Variants in CCDC102B observed in about 807,000 individuals in gnomAD.
CCDC102B encodes coiled-coil domain containing 102B.
A neutral mutation model predicts 57.4 loss-of-function variants in CCDC102B; 75 were observed. The observed-to-expected ratio is 1.31, with a 90% confidence interval of 1.08 to 1.58. CCDC102B has a LOEUF of 1.58. Ranked by LOEUF, CCDC102B falls within the 40% of genes most tolerant of loss-of-function variation. The pLI is 0.00. For synonymous variants in CCDC102B, 206 were observed against 201.9 expected (o/e 1.02, Z -0.17); for missense variants, 636 against 582.6 (o/e 1.09, Z -0.94).
chr18:68,749,322 G>A (rs556402467), intron 2 of CCDC102B, among the ~76,000 whole-genome samples: 28 of 151,808 alleles, frequency 1.8e-4, no homozygotes, highest in African/African-American at 6.5e-4. Flanking sequence ...GAAAGTCATT[G>A]GTAGCTTGAT....
intron 7 of CCDC102B, among the ~76,000 whole-genome samples, chr18:69,014,194 G>C (rs2051597824): frequency 1.3e-5 from 2 of 152,160 alleles, no homozygotes; most frequent in South Asian, 2.1e-4. Context: ...ATTGGTAAGT[G>C]AGCTTCTAGT....
At chr18:68,804,467 A>G (rs2035962662) in intron 1 of CCDC102B, among the ~76,000 whole-genome samples, 1 of 152,198 alleles carries the variant, frequency 6.6e-6, no homozygotes, top group African/African-American at 2.4e-5. Flanking sequence ...AAAGGCCTGG[A>G]TGCCTTCACC....
chr18:68,734,050 CT>C (rs1265347992), intron 2 of CCDC102B, among the ~76,000 whole-genome samples: 2 of 152,210 alleles, frequency 1.3e-5, no homozygotes, highest in African/African-American at 4.8e-5. Context: ...CAAAGCCAAG[CT>C]CTTTAAGACA....
chr18:68,910,340 G>C (rs149686459), intron 6 of CCDC102B, among the ~76,000 whole-genome samples: 2 of 152,224 alleles, frequency 1.3e-5, no homozygotes, highest in Admixed American at 6.5e-5. Flanking sequence ...AATCAATTAG[G>C]TATGAACATG....
intron 6 of CCDC102B, among the ~76,000 whole-genome samples, chr18:68,938,514 C>T (rs2049301632): frequency 6.6e-6 from 1 of 151,726 alleles, no homozygotes; most frequent in South Asian, 2.1e-4. Flanking sequence ...TTTTATAATA[C>T]AAATATCTTA....
intron 6 of CCDC102B, 37 bp downstream of exon 6, chr18:68,897,465 A>C: frequency 6.3e-7 from 1 of 1,599,002 alleles, no homozygotes; most frequent in Non-Finnish European, 8.6e-7. Flanking sequence ...TCACTGTCTA[A>C]TCTCACTCTG....
At chr18:68,868,453 G>A (rs9963343) in intron 4 of CCDC102B, among the ~76,000 whole-genome samples, 106,899 of 152,064 alleles carry the variant, frequency 0.7, 37,972 homozygotes, top group East Asian at 1. Context: ...GATCCAAGGC[G>A]TAAAATGCTT....
At chr18:68,903,804 C>T (rs1406207865) in intron 6 of CCDC102B, among the ~76,000 whole-genome samples, 1 of 152,130 alleles carries the variant, frequency 6.6e-6, no homozygotes, top group African/African-American at 2.4e-5. Flanking sequence ...GGATCGCTTT[C>T]AGAAAGTCAG....
chr18:69,053,997 A>G, intron 7 of CCDC102B, 33 bp from the exon 8 acceptor site: 1 of 1,566,938 alleles, frequency 6.4e-7, no homozygotes, highest in African/African-American at 1.4e-5. Context: ...GAACACTTGA[A>G]CCTAACTAAA....
At chr18:68,841,556 G>A (rs997424703) in intron 3 of CCDC102B, among the ~76,000 whole-genome samples, 1 of 152,048 alleles carries the variant, frequency 6.6e-6, no homozygotes, top group East Asian at 1.9e-4. Flanking sequence ...CTGAGGTTTG[G>A]CAATACCAAA....
rs537393047 is a variant in CCDC102B, at chr18:69,046,975, A to G, written c.1435-7055A>G. Among the ~76,000 whole-genome samples, 24 of 152,234 alleles carry G rather than the reference A, an allele frequency of 1.6e-4. No individual in the cohort carries two copies. The South Asian group carries it at 4.6e-3, about 29-fold the overall frequency. On this transcript the variant is annotated intron_variant, in intron 7 of 7. Coordinates refer to ENST00000360242, the MANE Select transcript of CCDC102B (RefSeq NM_024781.3). ...TCTATGTGTCTATTTTTGTATCAGTACCATGCTGTTTTGGTTACTGTAGCC... is the reference window on the plus strand; with the variant it reads ...TCTATGTGTCTATTTTTGTATCAGTGCCATGCTGTTTTGGTTACTGTAGCC...
intron 1 of CCDC102B, among the ~76,000 whole-genome samples, chr18:68,818,904 C>T (rs2036591412): frequency 6.6e-6 from 1 of 152,022 alleles, no homozygotes; most frequent in Non-Finnish European, 1.5e-5. Flanking sequence ...TGATTATTGC[C>T]GGTGTGCATA....
rs563342103 is a variant in CCDC102B, at chr18:68,786,211, A to C, written c.-66-37155A>C. On this transcript the variant is annotated intron_variant, in intron 2 of 3. Transcript: ENST00000578970. ...ATATCTCTGTTTTGGTACCAGTACC[A>C]TGCTGTTTTGGTTACTGTAGCCTTG... Among the ~76,000 whole-genome samples the C allele has an allele frequency of 1.8e-3, 275 of 152,112 alleles. 2 individuals are homozygous for C. The highest frequency in any genetic ancestry group is 6.4e-3 in the African/African-American group (267 of 41,460).
At chr18:68,981,896 C>T (rs1007571374) in intron 6 of CCDC102B, among the ~76,000 whole-genome samples, 2 of 151,870 alleles carry the variant, frequency 1.3e-5, no homozygotes, top group Admixed American at 6.6e-5. Flanking sequence ...CAAGTTCCTC[C>T]ATGTCCCTAC....
chr18:68,981,539 A>G (rs1030782997), intron 6 of CCDC102B, among the ~76,000 whole-genome samples: 6 of 152,050 alleles, frequency 3.9e-5, no homozygotes, highest in Non-Finnish European at 7.4e-5. Context: ...ACTCCTTAAA[A>G]GGAAAAACAA....
At chr18:69,012,464 AGGAGGGTAACATTATTTGT>A (rs1487896041) in intron 7 of CCDC102B, among the ~76,000 whole-genome samples, 3 of 152,166 alleles carry the variant, frequency 2.0e-5, no homozygotes, top group African/African-American at 7.2e-5. Context: ...TGCGGTCTTA[AGGAGGGTAACATTATTTGT>A]TCCTCCATGT....
At chr18:68,944,611 C>G (rs1454795780) in intron 6 of CCDC102B, among the ~76,000 whole-genome samples, 2 of 148,140 alleles carry the variant, frequency 1.4e-5, no homozygotes, top group African/African-American at 5.0e-5. Flanking sequence ...CTCCCAAAAG[C>G]CTTGCATACT....
At chr18:68,963,074 A>G (rs2050083431) in intron 6 of CCDC102B, among the ~76,000 whole-genome samples, 1 of 152,024 alleles carries the variant, frequency 6.6e-6, no homozygotes, top group South Asian at 2.1e-4. Context: ...TTAGTAGATG[A>G]TGTAGAGAAA....
At chr18:68,938,932 A>G (rs2049312495) in intron 6 of CCDC102B, among the ~76,000 whole-genome samples, 1 of 151,662 alleles carries the variant, frequency 6.6e-6, no homozygotes, top group Non-Finnish European at 1.5e-5. Flanking sequence ...ATATGTACTC[A>G]TCTTTCCCCT....
Sources: allele counts gnomAD v4.1 joint callset (sites outside exome capture counted in the v4.1 genomes callset), GRCh38; gene constraint gnomAD v4.1.1; transcripts MANE v1.5; gene names NCBI Gene and HGNC (gene_info 2026-07-23, HGNC 2026-07-21).